ISM1: variants seen among roughly 807,000 people sequenced by gnomAD.
The protein encoded by ISM1 is isthmin-1.
A neutral mutation model predicts 46.3 loss-of-function variants in ISM1; 25 were observed. The observed-to-expected ratio is 0.54, with a 90% confidence interval of 0.39 to 0.75. The LOEUF is 0.75. ISM1 is among the 30% of genes least tolerant of loss of function. The probability of loss-of-function intolerance (pLI) is 0.00; values close to 1 mark genes in which losing one functional copy is unlikely to be tolerated. For missense variants in ISM1, 536 were observed against 625.4 expected (o/e 0.86, Z 1.52); for synonymous variants, 255 against 256.7 (o/e 0.99, Z 0.06).
At chr20:13,325,408 T>C in the ISM1 span, among the ~76,000 whole-genome samples, 1 of 152,154 alleles carries the variant, frequency 6.6e-6, no homozygotes, top group South Asian at 2.1e-4. Context: ...ATAAATAAAA[T>C]GGGAAGAAAT....
At position 13,292,475 on chromosome 20, in the gene ISM1, T is replaced by G. The variant is rs1364833732; in HGVS notation, c.877+12T>G. The G allele has an allele frequency of 6.4e-7, 1 of 1,556,132 alleles. No homozygotes were observed. The highest frequency in any genetic ancestry group is 8.7e-7 in the Non-Finnish European group (1 of 1,143,510). ...ACTGTTTGAAGTTGGTAAGATTTTT[T>G]TCTTTTTTAATCCAAATATTGACTT... On this transcript the variant is annotated intron_variant, in intron 5 of 5. Transcript: ENST00000262487.
At chr20:13,234,418 A>C (rs2039624486) in intron 1 of ISM1, among the ~76,000 whole-genome samples, 1 of 152,156 alleles carries the variant, frequency 6.6e-6, no homozygotes, top group African/African-American at 2.4e-5. Flanking sequence ...TAAACAGATG[A>C]GTGCGGGTAT....
the ISM1 span, among the ~76,000 whole-genome samples, chr20:13,324,179 C>A: frequency 7.9e-4 from 121 of 152,294 alleles, no homozygotes; most frequent in African/African-American, 2.8e-3. Context: ...GCTTGTGTAC[C>A]TGTTTACAAC....
downstream of ISM1, among the ~76,000 whole-genome samples, chr20:13,303,075 T>C (rs1048851607): frequency 6.6e-6 from 1 of 152,192 alleles, no homozygotes; most frequent in Non-Finnish European, 1.5e-5. Context: ...CCGGCATTAT[T>C]ACATCCAGTC....
At chr20:13,246,281 A>T (rs928617156) in intron 1 of ISM1, among the ~76,000 whole-genome samples, 26 of 152,102 alleles carry the variant, frequency 1.7e-4, no homozygotes, top group African/African-American at 6.3e-4. Flanking sequence ...TCAAAAAAAA[A>T]AAAAAAGCTT....
At chr20:13,226,493 C>A (rs1419933689) in intron 1 of ISM1, among the ~76,000 whole-genome samples, 1 of 152,078 alleles carries the variant, frequency 6.6e-6, no homozygotes, top group East Asian at 1.9e-4. Flanking sequence ...AGTGGCTTAA[C>A]ACAACCACCA....
chr20:13,221,685 C>G lies in ISM1; in HGVS notation c.-92C>G. On this transcript the variant is annotated 5_prime_UTR_variant, in exon 1 of 6. Coordinates refer to ENST00000262487, the MANE Select transcript of ISM1 (RefSeq NM_080826.2). ...GGAGCCGAGGCGGGAGCCGCGCTGC[C>G]GGGCTCCCGGGCTCCTACTCCTCCT... 9.0e-7 allele frequency: 1 copy of G among 1,109,792 alleles called. No homozygotes were observed. The highest frequency in any genetic ancestry group is 1.1e-6 in the Non-Finnish European group (1 of 878,954). 68.7% of individuals were successfully genotyped at this position (1,109,792 alleles called of 1,614,324 possible).
the ISM1 span, among the ~76,000 whole-genome samples, chr20:13,306,075 A>C: frequency 7.6e-6 from 1 of 131,996 alleles, no homozygotes. Flanking sequence ...ATTGCCCTCA[A>C]AATGAAAAAA....
chr20:13,263,966 T>C (rs2040016505), intron 1 of ISM1, among the ~76,000 whole-genome samples: 1 of 152,258 alleles, frequency 6.6e-6, no homozygotes, highest in East Asian at 1.9e-4. Context: ...CCTAGGGTTT[T>C]TTTGTTTTTC....
chr20:13,232,895 A>T (rs78133591), intron 1 of ISM1, among the ~76,000 whole-genome samples: 4,827 of 152,284 alleles, frequency 0.032, 262 homozygotes, highest in African/African-American at 0.11. Context: ...CTTAGAAGGA[A>T]TTCTCCTTTC....
rs79337994 is a variant in ISM1, at chr20:13,280,659, G to A, written c.643+761G>A. Among the ~76,000 whole-genome samples the A allele has an allele frequency of 2.6e-3, 397 of 152,266 alleles. 1 individual carries two copies. The highest frequency in any genetic ancestry group is 9.3e-3 in the African/African-American group (385 of 41,554). ...TCCAGCTGGTGTCCAGGGAAAGAAA[G>A]GGAGCCTGGAGAAGGAACACACACT... On this transcript the variant is annotated intron_variant, in intron 3 of 5. Transcript: ENST00000262487.
rs150329511 is a variant in ISM1, at chr20:13,292,070, C to T, written c.788-304C>T. On this transcript the variant is annotated intron_variant, in intron 4 of 5. Coordinates refer to ENST00000262487, the MANE Select transcript of ISM1 (RefSeq NM_080826.2). ...CCTCTGGTTTAGTTTGTCACCCTGA[C>T]ACCATCCTGACATGTGTCCCCCACT... Among the ~76,000 whole-genome samples, 207 of 152,318 alleles carry T rather than the reference C, an allele frequency of 1.4e-3. 1 individual carries two copies. Among genetic ancestry groups the T allele is most frequent in the Middle Eastern group, 3.4e-3 (1 of 294 alleles).
chr20:13,226,857 G>A (rs991462658), intron 1 of ISM1, among the ~76,000 whole-genome samples: 4 of 152,212 alleles, frequency 2.6e-5, no homozygotes, highest in African/African-American at 9.6e-5. Flanking sequence ...TTAGATTCTA[G>A]TGGACAAGAA....
intron 1 of ISM1, among the ~76,000 whole-genome samples, chr20:13,250,475 CATTG>C (rs749631505): frequency 7.2e-5 from 11 of 152,174 alleles, no homozygotes; most frequent in Non-Finnish European, 1.2e-4. Flanking sequence ...CTTTTGTCCT[CATTG>C]ATTGGGCAAA....
rs145392132 is a variant in ISM1, at chr20:13,288,637, G to C, written c.741G>C (p.Ala247=). 11 of 1,613,972 alleles carry C rather than the reference G, an allele frequency of 6.8e-6. No individual in the cohort carries two copies. In the African/African-American group the frequency reaches 1.5e-4, roughly 22 times the overall value. ...NQKRTRSCGY[A]CTATESRTCD... is the part of the protein sequence containing the mutation. ...AACGGACCCGGTCTTGTGGCTACGC[G>C]TGCACTGCAACAGAATCGAGGACCT... The change falls in exon 4 of 6, where the codon GCG becomes GCC. Residue 247 remains alanine, a synonymous_variant. Transcript: ENST00000262487.
intron 1 of ISM1, among the ~76,000 whole-genome samples, chr20:13,256,147 G>A (rs2039926555): frequency 6.6e-6 from 1 of 152,086 alleles, no homozygotes; most frequent in African/African-American, 2.4e-5. Context: ...TGTTATCCCA[G>A]CACTTTGGGA....
chr20:13,275,218 G>A (rs1299053707), intron 2 of ISM1, among the ~76,000 whole-genome samples: 1 of 151,556 alleles, frequency 6.6e-6, no homozygotes, highest in East Asian at 1.9e-4. Flanking sequence ...AAATAGTCAT[G>A]TAAAGGCCTT....
rs146013367 is a variant in ISM1, at chr20:13,246,165, C to T, written c.138+24251C>T. On this transcript the variant is annotated intron_variant, in intron 1 of 5. Transcript: ENST00000262487. ...GCACACACCTGTAATCCCAGCTACT[C>T]GGGAGGCTGAGGCAGCAGAATCACT... Among the ~76,000 whole-genome samples the T allele has an allele frequency of 9.8e-3, 1,480 of 151,568 alleles. 26 individuals carry two copies. The highest frequency in any genetic ancestry group is 0.034 in the African/African-American group (1,401 of 41,292).
rs1410907072 is a variant in ISM1, at chr20:13,288,646, A to C, written c.750A>C (p.Ala250=). The C allele has an allele frequency of 6.8e-6, 11 of 1,614,006 alleles. No homozygotes were observed. The East Asian group carries it at 2.0e-4, about 29-fold the overall frequency. ...GGTCTTGTGGCTACGCGTGCACTGCAACAGAATCGAGGACCTGTGACCGTC... is the reference window on the plus strand; with the variant it reads ...GGTCTTGTGGCTACGCGTGCACTGCCACAGAATCGAGGACCTGTGACCGTC... ...RTRSCGYACT[A]TESRTCDRPN... Residue 250 remains alanine (A), a synonymous_variant, in exon 4 of 6, where the codon GCA becomes GCC. Transcript: ENST00000262487.
Sources: gnomAD v4.1 joint callset for allele counts (sites outside exome capture counted in the v4.1 genomes callset) on GRCh38, gnomAD v4.1.1 for gene constraint, MANE v1.5 for transcripts, NCBI Gene and HGNC (gene_info 2026-07-23, HGNC 2026-07-21) for gene names.